Variants in TSHZ2 observed in about 807,000 individuals in gnomAD.
The protein encoded by TSHZ2 is teashirt zinc finger homeobox 2.
A neutral mutation model predicts 74.4 loss-of-function variants in TSHZ2; 21 were observed. The ratio of observed to expected loss-of-function variants is 0.28; its 90% CI spans 0.20 to 0.41. The LOEUF is 0.41. Among genes scored for constraint, TSHZ2 ranks in the 10% least tolerant of loss-of-function variants. The pLI is 1.00. For missense variants in TSHZ2, 1,244 were observed against 1,293.5 expected (o/e 0.96, Z 0.59); for synonymous variants, 540 against 515.3 (o/e 1.05, Z -0.65).
Position 53,082,957 on chromosome 20 carries a change from C to A in TSHZ2, c.40+109624C>A, listed in dbSNP as rs559488216. Among the ~76,000 whole-genome samples, 4 of 152,308 alleles carry A rather than the reference C, an allele frequency of 2.6e-5. No homozygotes were observed. In the South Asian group the frequency reaches 8.3e-4, roughly 32 times the overall value. The stretch of plus-strand genomic sequence containing the variant: ...TGCTCCTGGTTAGATGGAGGCAAGG[C>A]CAGAGCCTTGACACTTAGTGGTGGT... On this transcript the variant is annotated intron_variant, in intron 1 of 2. Coordinates refer to ENST00000371497, the MANE Select transcript of TSHZ2 (RefSeq NM_173485.6).
At chr20:53,390,831 T>C (rs749674223) in intron 2 of TSHZ2, among the ~76,000 whole-genome samples, 3 of 152,250 alleles carry the variant, frequency 2.0e-5, no homozygotes, top group Non-Finnish European at 4.4e-5. Flanking sequence ...GACTTTTTAA[T>C]GATCGACATT....
Position 53,385,266 on chromosome 20 carries a change from A to AT in TSHZ2, c.*9-101869dup, listed in dbSNP as rs903152441. Among the ~76,000 whole-genome samples, 57 of 151,916 alleles carry AT rather than the reference A, an allele frequency of 3.8e-4. 1 individual carries two copies. The highest frequency in any genetic ancestry group is 1.5e-3 in the South Asian group (7 of 4,800). ...AAGAGTTAAGCCTTTCTTAAAAGGG[A>AT]TTTTTTTTTCTCTTTGGAATGTCAT... On this transcript the variant is annotated intron_variant, in intron 2 of 2. Transcript: ENST00000371497.
At chr20:53,270,641 G>C (rs1025015033) in intron 2 of TSHZ2, among the ~76,000 whole-genome samples, 2 of 150,182 alleles carry the variant, frequency 1.3e-5, no homozygotes, top group Non-Finnish European at 2.9e-5. Context: ...CCACTTATTT[G>C]AAGGAGAGAA....
intron 1 of TSHZ2, among the ~76,000 whole-genome samples, chr20:53,209,704 G>A (rs544061510): frequency 4.6e-5 from 7 of 152,284 alleles, no homozygotes; most frequent in Non-Finnish European, 7.3e-5. Flanking sequence ...GCTTTGCTTG[G>A]GGAGAAGCTG....
At chr20:53,222,897 G>GTGTC (rs1395442345) in intron 1 of TSHZ2, among the ~76,000 whole-genome samples, 1 of 152,092 alleles carries the variant, frequency 6.6e-6, no homozygotes, top group African/African-American at 2.4e-5. Context: ...CCTTTTTTTA[G>GTGTC]TGTCTTACCC....
At chr20:53,468,189 C>CCCTA (rs1985618161) in intron 2 of TSHZ2, among the ~76,000 whole-genome samples, 1 of 152,102 alleles carries the variant, frequency 6.6e-6, no homozygotes, top group African/African-American at 2.4e-5. Context: ...TCTGTCTTAT[C>CCCTA]ATTTTTATTT....
intron 1 of TSHZ2, among the ~76,000 whole-genome samples, chr20:53,165,039 C>G (rs1034361432): frequency 6.6e-5 from 10 of 152,138 alleles, no homozygotes; most frequent in African/African-American, 1.7e-4. Context: ...AACCATTACA[C>G]TTGTCACAGA....
intron 1 of TSHZ2, among the ~76,000 whole-genome samples, chr20:52,983,158 G>C (rs1030747958): frequency 6.6e-6 from 1 of 152,154 alleles, no homozygotes; most frequent in Admixed American, 6.5e-5. Context: ...GAGTCAAGCC[G>C]ACCTGGGGTC....
At chr20:53,083,452 C>T (rs557065533) in intron 1 of TSHZ2, among the ~76,000 whole-genome samples, 155 of 152,276 alleles carry the variant, frequency 1.0e-3, no homozygotes, top group African/African-American at 3.3e-3. Context: ...TAGCCAGGGT[C>T]GGTGATCCTT....
intron 1 of TSHZ2, among the ~76,000 whole-genome samples, chr20:53,011,801 C>T (rs1341865898): frequency 1.3e-5 from 2 of 152,164 alleles, no homozygotes; most frequent in African/African-American, 4.8e-5. Flanking sequence ...CCACAGCTGC[C>T]TTTGGAAGCT....
At chr20:53,466,321 A>C (rs1280476469) in intron 2 of TSHZ2, among the ~76,000 whole-genome samples, 1 of 152,086 alleles carries the variant, frequency 6.6e-6, no homozygotes, top group African/African-American at 2.4e-5. Context: ...TTATGTCCAT[A>C]CTTGGAGGGC....
intron 2 of TSHZ2, among the ~76,000 whole-genome samples, chr20:53,347,978 T>A (rs1172895697): frequency 1.3e-5 from 2 of 152,168 alleles, no homozygotes; most frequent in South Asian, 4.1e-4. Flanking sequence ...GTAACCCTAC[T>A]CTTTCCCTCC....
chr20:53,249,939 A>G (rs985073923), intron 1 of TSHZ2, among the ~76,000 whole-genome samples: 1 of 152,240 alleles, frequency 6.6e-6, no homozygotes, highest in African/African-American at 2.4e-5. Flanking sequence ...CAGGAAGCTC[A>G]TTGTCCAACC....
At chr20:53,008,430 C>A (rs755137101) in intron 1 of TSHZ2, among the ~76,000 whole-genome samples, 1 of 152,048 alleles carries the variant, frequency 6.6e-6, no homozygotes, top group Non-Finnish European at 1.5e-5. Flanking sequence ...TGGGAGGAGG[C>A]ATTTGATAGG....
chr20:53,102,274 T>C (rs953470036), intron 1 of TSHZ2, among the ~76,000 whole-genome samples: 1 of 152,114 alleles, frequency 6.6e-6, no homozygotes, highest in African/African-American at 2.4e-5. Context: ...AGGAAAAAAG[T>C]GCCTGGGGCA....
intron 1 of TSHZ2, among the ~76,000 whole-genome samples, chr20:53,160,784 C>G (rs1198955541): frequency 6.9e-6 from 1 of 145,428 alleles, no homozygotes; most frequent in Non-Finnish European, 1.5e-5. Flanking sequence ...TTTGCCCTTT[C>G]TAGATGAACC....
chr20:53,326,180 G>A (rs1255574931), intron 2 of TSHZ2, among the ~76,000 whole-genome samples: 1 of 152,216 alleles, frequency 6.6e-6, no homozygotes, highest in Non-Finnish European at 1.5e-5. Flanking sequence ...GACTGTGCTT[G>A]TCACAAGAGA....
At chr20:53,350,915 A>C (rs749867748) in intron 2 of TSHZ2, among the ~76,000 whole-genome samples, 6 of 152,230 alleles carry the variant, frequency 3.9e-5, no homozygotes, top group Non-Finnish European at 8.8e-5. Flanking sequence ...TGCTCACCAA[A>C]TCTTTTTCAT....
intron 2 of TSHZ2, among the ~76,000 whole-genome samples, chr20:53,413,623 T>C (rs887244067): frequency 6.6e-6 from 1 of 152,226 alleles, no homozygotes; most frequent in African/African-American, 2.4e-5. Flanking sequence ...TTAGAGAATG[T>C]TTGACACATA....
Sources: gnomAD v4.1 joint callset for allele counts (sites outside exome capture counted in the v4.1 genomes callset) on GRCh38, gnomAD v4.1.1 for gene constraint, MANE v1.5 for transcripts, NCBI Gene and HGNC (gene_info 2026-07-23, HGNC 2026-07-21) for gene names.